Variants in MBD2 observed in about 807,000 individuals in gnomAD.
The protein encoded by MBD2 is methyl-CpG binding domain protein 2.
In MBD2, 9 loss-of-function variants were observed where a neutral mutation model predicts 39.3. The ratio of observed to expected loss-of-function variants is 0.23; its 90% confidence interval spans 0.14 to 0.40. MBD2 has a LOEUF of 0.40. Among genes scored for constraint, MBD2 ranks in the 10% least tolerant of loss-of-function variants. The pLI, the probability that MBD2 is intolerant of heterozygous loss-of-function variation, is 1.00. For synonymous variants in MBD2, 233 were observed against 211.1 expected (o/e 1.10, Z -0.90); for missense variants, 458 against 532.6 (o/e 0.86, Z 1.38).
At chr18:54,222,658 G>C (rs934966562) in intron 1 of MBD2, among the ~76,000 whole-genome samples, 1 of 152,088 alleles carries the variant, frequency 6.6e-6, no homozygotes, top group Non-Finnish European at 1.5e-5. Flanking sequence ...TATCATATGA[G>C]GTTTCAAGAT....
At chr18:54,187,693 T>A in intron 3 of MBD2, 1 of 985,888 alleles carries the variant, frequency 1.0e-6, no homozygotes, top group East Asian at 1.1e-4. Context: ...GCATCTTTTA[T>A]GTTGGATGTG....
chr18:54,157,529 G>A (rs2086061832), intron 6 of MBD2, among the ~76,000 whole-genome samples: 1 of 152,146 alleles, frequency 6.6e-6, no homozygotes, highest in Non-Finnish European at 1.5e-5. Context: ...CCAAAGTGCT[G>A]GGATTATAGG....
rs2086645802 is a variant in MBD2 at position 54,224,490 on chromosome 18, T to G, written c.70A>C (p.Ser24Arg). 8.1e-7 allele frequency: 1 copy of G among 1,230,628 alleles called. No homozygotes were observed. Among genetic ancestry groups the G allele is most frequent in the Non-Finnish European group, 1.0e-6 (1 of 988,436 alleles). 76.2% of individuals were successfully genotyped at this position (1,230,628 alleles called of 1,614,324 possible). Residue 24 changes from serine to arginine, a missense_variant, in exon 1 of 7, where the codon AGC becomes CGC. Physicochemically the swap from Ser to Arg is moderately radical, Grantham distance 110. This residue lies in a region of MBD2 where 269 missense variants were observed against 236.0 expected (regional missense o/e 1.14). Transcript: ENST00000256429. ...QEEGESAAGG[S>R]GAGGDSAIEQ... Reference sequence around the variant, plus strand: ...ATGGCGGAGTCGCCGCCAGCGCCGCTGCCGCCCGCCGCACTCTCCCCCTCC... The same window carrying G: ...ATGGCGGAGTCGCCGCCAGCGCCGCGGCCGCCCGCCGCACTCTCCCCCTCC...
At chr18:54,219,486 TGA>T (rs757897847) in intron 1 of MBD2, among the ~76,000 whole-genome samples, 4 of 152,150 alleles carry the variant, frequency 2.6e-5, no homozygotes, top group Non-Finnish European at 4.4e-5. Context: ...TAAATGAATA[TGA>T]GAGTTATACA....
Position 54,168,613 on chromosome 18 carries a change from TTGTGTGTGTGTGTGTG to T in MBD2, c.841-2463_841-2448del, listed in dbSNP as rs60604906. 7.3e-3 allele frequency among the ~76,000 whole-genome samples: 853 copies of T among 117,054 alleles called. 21 individuals are homozygous for T. The highest frequency in any genetic ancestry group is 0.021 in the South Asian group (76 of 3,612). 76.8% of individuals were successfully genotyped at this position (117,054 alleles called of 152,430 possible). On this transcript the variant is annotated intron_variant, in intron 3 of 6. Transcript: ENST00000256429. ...TATATATATATTTATGTATGCATAT[TTGTGTGTGTGTGTGTG>T]TGTGTGTGTGTGTGTGTGTGTGTGT...
At chr18:54,213,752 G>A (rs1349205096) in intron 1 of MBD2, among the ~76,000 whole-genome samples, 2 of 152,162 alleles carry the variant, frequency 1.3e-5, no homozygotes, top group African/African-American at 4.8e-5. Context: ...GCTGGTAACT[G>A]TTGAAACTGG....
At chr18:54,194,034 A>G (rs922982015) in intron 2 of MBD2, among the ~76,000 whole-genome samples, 2 of 152,142 alleles carry the variant, frequency 1.3e-5, no homozygotes, top group African/African-American at 4.8e-5. Flanking sequence ...TAAGGATACA[A>G]GAGAATAACT....
chr18:54,166,007 C>G, intron 4 of MBD2, 69 bp downstream of exon 4: 1 of 1,049,134 alleles, frequency 9.5e-7, no homozygotes. Context: ...GAATCCACAG[C>G]ATCTAACAGA....
chr18:54,203,262 A>G (rs1262438421), intron 2 of MBD2: 1 of 886,008 alleles, frequency 1.1e-6, no homozygotes, highest in East Asian at 2.7e-5. Context: ...CATTTCATAA[A>G]TACTGAAGCC....
At chr18:54,189,147 T>G in intron 2 of MBD2, 136 bp from the exon 3 acceptor site, 3 of 500,718 alleles carry the variant, frequency 6.0e-6, no homozygotes, top group Non-Finnish European at 6.6e-6. Context: ...TTAAATACTC[T>G]AGGGTACATG....
chr18:54,199,177 C>T (rs1403466546), intron 2 of MBD2, among the ~76,000 whole-genome samples: 1 of 152,134 alleles, frequency 6.6e-6, no homozygotes, highest in Non-Finnish European at 1.5e-5. Context: ...CATTGTGTTT[C>T]TAGTCTCTCA....
chr18:54,159,617 C>T, intron 6 of MBD2, 148 bp downstream of exon 6: 1 of 744,340 alleles, frequency 1.3e-6, no homozygotes, highest in Non-Finnish European at 2.2e-6. Flanking sequence ...TGGGGTTTTG[C>T]CATGTTGCTC....
intron 1 of MBD2, chr18:54,222,208 G>A (rs2086620125): frequency 1.1e-5 from 4 of 351,770 alleles, no homozygotes; most frequent in Non-Finnish European, 5.7e-6. Flanking sequence ...ATTGTGAACG[G>A]CACTAAATGA....
At chr18:54,201,419 G>A (rs557770141) in intron 2 of MBD2, among the ~76,000 whole-genome samples, 4 of 152,274 alleles carry the variant, frequency 2.6e-5, no homozygotes, top group Admixed American at 2.6e-4. Context: ...AATCAAGAAT[G>A]GAATCGATTT....
rs113321648 is a variant in MBD2, at chr18:54,211,388, TACAC to T, written c.543-6235_543-6232del. Among the ~76,000 whole-genome samples, 553 of 148,214 alleles carry T rather than the reference TACAC, an allele frequency of 3.7e-3. 3 individuals carry two copies. Among genetic ancestry groups the T allele is most frequent in the African/African-American group, 0.011 (454 of 40,120 alleles). ...ATTAAAAGAATGTATATTATTGCTA[TACAC>T]ACACACACACACACACACACACGCA... On this transcript the variant is annotated intron_variant, in intron 1 of 6. Coordinates refer to ENST00000256429, the MANE Select transcript of MBD2 (RefSeq NM_003927.5).
Position 54,224,527 on chromosome 18 carries a change from G to C in MBD2, c.33C>G (p.Cys11Trp). Residue 11 changes from cysteine (C) to tryptophan (W), a missense_variant, in exon 1 of 7, where the codon TGC becomes TGG. Physicochemically the swap from Cys to Trp is radical, Grantham distance 215 (BLOSUM62 -2). Around this residue, in one of 2 missense-constraint regions of MBD2, gnomAD observed 269 missense variants for 236.0 expected, o/e 1.14. Coordinates refer to ENST00000256429, the MANE Select transcript of MBD2 (RefSeq NM_003927.5). MRAHPGGGRC[C>W]PEQEEGESAA... is the part of the protein sequence containing the mutation. ...CACTCTCCCCCTCCTCCTGCTCCGG[G>C]CAGCAGCGGCCTCCCCCCGGGTGCG... 8.1e-7 allele frequency: 1 copy of C among 1,232,474 alleles called. No individual in the cohort carries two copies. The allele number at this position is 1,232,474 out of a possible 1,614,324, so 76.3% of individuals were successfully genotyped here.
At chr18:54,206,512 TA>T (rs1403751117) in intron 1 of MBD2, among the ~76,000 whole-genome samples, 1 of 152,062 alleles carries the variant, frequency 6.6e-6, no homozygotes, top group Non-Finnish European at 1.5e-5. Context: ...CATAGGAAGA[TA>T]AAAGGAAAAA....
intron 5 of MBD2, among the ~76,000 whole-genome samples, chr18:54,161,485 A>T (rs1189484315): frequency 6.6e-6 from 1 of 152,202 alleles, no homozygotes; most frequent in Non-Finnish European, 1.5e-5. Flanking sequence ...GACAAATGAC[A>T]TATTGGTTTC....
intron 1 of MBD2, among the ~76,000 whole-genome samples, chr18:54,220,289 T>G (rs372756378): frequency 9.9e-5 from 15 of 152,098 alleles, no homozygotes; most frequent in African/African-American, 3.6e-4. Context: ...TACCAATGGA[T>G]CCAATCAAAC....
Sources: gnomAD v4.1 joint callset for allele counts (sites outside exome capture counted in the v4.1 genomes callset) on GRCh38, gnomAD v4.1.1 for gene constraint, gnomAD v4.1.1 regional missense constraint, MANE v1.5 for transcripts, NCBI Gene and HGNC (gene_info 2026-07-23, HGNC 2026-07-21) for gene names.